The following HIPK2 variants were observed in gnomAD, a reference collection of about 807,000 sequenced individuals.
HIPK2 encodes homeodomain-interacting protein kinase 2.
HIPK2 carries 27 observed loss-of-function variants against 113.7 expected under a neutral mutation model. The observed-to-expected ratio is 0.24, with a 90% confidence interval of 0.17 to 0.33. The LOEUF is 0.33. Ranked by LOEUF, HIPK2 falls within the 10% of genes least tolerant of loss-of-function variation. The probability of loss-of-function intolerance (pLI) is 1.00; values close to 1 mark genes in which losing one functional copy is unlikely to be tolerated. For synonymous variants in HIPK2, 631 were observed against 642.2 expected (o/e 0.98, Z 0.26); for missense variants, 1,257 against 1,588.0 (o/e 0.79, Z 3.54).
intron 2 of HIPK2, among the ~76,000 whole-genome samples, chr7:139,675,133 A>G (rs1315973181): frequency 6.6e-6 from 1 of 152,234 alleles, no homozygotes; most frequent in African/African-American, 2.4e-5. Flanking sequence ...GCTTGCTCTT[A>G]CCGTTATTAA....
intron 6 of HIPK2, among the ~76,000 whole-genome samples, chr7:139,622,868 G>C (rs1476405163): frequency 6.6e-6 from 1 of 152,180 alleles, no homozygotes; most frequent in Non-Finnish European, 1.5e-5. Context: ...ATGAAGTTCT[G>C]AATTGGTTGC....
chr7:139,708,873 G>C (rs1007787291), intron 2 of HIPK2, among the ~76,000 whole-genome samples: 10 of 152,108 alleles, frequency 6.6e-5, no homozygotes, highest in African/African-American at 2.4e-4. Context: ...GTCACACATG[G>C]GCTTAAACTG....
At chr7:139,691,235 G>A (rs1794395837) in intron 2 of HIPK2, among the ~76,000 whole-genome samples, 1 of 152,146 alleles carries the variant, frequency 6.6e-6, no homozygotes, top group African/African-American at 2.4e-5. Context: ...TGTCTCTATA[G>A]TTCCATAGTT....
intron 11 of HIPK2, among the ~76,000 whole-genome samples, chr7:139,597,313 G>T (rs1799257996): frequency 6.6e-6 from 1 of 152,220 alleles, no homozygotes; most frequent in East Asian, 1.9e-4. Context: ...GTCATGCCAG[G>T]ATTCCAGCTG....
intron 1 of HIPK2, among the ~76,000 whole-genome samples, chr7:139,749,718 C>T (rs1366571271): frequency 6.6e-6 from 1 of 152,222 alleles, no homozygotes; most frequent in Non-Finnish European, 1.5e-5. Flanking sequence ...TTTCCTAATA[C>T]TGCCTCTCAA....
intron 1 of HIPK2, among the ~76,000 whole-genome samples, chr7:139,735,655 G>A (rs73158613): frequency 0.15 from 22,210 of 152,172 alleles, 1,644 homozygotes; most frequent in Non-Finnish European, 0.16. Context: ...GAAGGAAGTC[G>A]CAACTGTTGC....
Position 139,763,472 on chromosome 7 carries a change from G to GCCCCC in HIPK2, c.19+14128_19+14132dup, listed in dbSNP as rs547691856. 4.8e-4 allele frequency among the ~76,000 whole-genome samples: 48 copies of GCCCCC among 100,788 alleles called. 3 individuals are homozygous for GCCCCC. Among genetic ancestry groups the GCCCCC allele is most frequent in the African/African-American group, 1.9e-3 (38 of 19,538 alleles). The allele number at this position is 100,788 out of a possible 152,430, so 66.1% of individuals were successfully genotyped here. A position where few individuals can be genotyped will look rare whatever the true frequency, so the allele number is the denominator to read the frequency against. On this transcript the variant is annotated intron_variant, in intron 1 of 14. Transcript: ENST00000406875. Reference sequence around the variant, plus strand: ...TAGGAGTAAGATTTTGCCGGAACACGCCCCCCCCCCCACACGCCCCTCCCA... The same window carrying GCCCCC: ...TAGGAGTAAGATTTTGCCGGAACACGCCCCCCCCCCCCCCCCACACGCCCCTCCCA...
At chr7:139,731,126 A>C (rs1300043759) in intron 1 of HIPK2, among the ~76,000 whole-genome samples, 1 of 152,236 alleles carries the variant, frequency 6.6e-6, no homozygotes, top group African/African-American at 2.4e-5. Flanking sequence ...TACCCTCTGC[A>C]AAATAAGTCA....
At chr7:139,598,861 C>T (rs1397937813) in intron 11 of HIPK2, among the ~76,000 whole-genome samples, 1 of 152,158 alleles carries the variant, frequency 6.6e-6, no homozygotes, top group African/African-American at 2.4e-5. Flanking sequence ...GACTTTGTTG[C>T]CACCCAGTCT....
chr7:139,652,349 C>A (rs1241757977), intron 2 of HIPK2, among the ~76,000 whole-genome samples: 2 of 152,182 alleles, frequency 1.3e-5, no homozygotes, highest in Non-Finnish European at 2.9e-5. Flanking sequence ...CTGCCTCCCC[C>A]TTCCCCTGAG....
At chr7:139,674,643 C>A (rs1186537505) in intron 2 of HIPK2, among the ~76,000 whole-genome samples, 1 of 152,074 alleles carries the variant, frequency 6.6e-6, no homozygotes, top group South Asian at 2.1e-4. Context: ...CTCCTTTCCA[C>A]GAAAGGAAGA....
At chr7:139,739,568 C>T (rs1304911949) in intron 1 of HIPK2, among the ~76,000 whole-genome samples, 4 of 147,034 alleles carry the variant, frequency 2.7e-5, no homozygotes, top group Non-Finnish European at 4.4e-5. Flanking sequence ...GCCTGGGTGA[C>T]AGAGTGAGAC....
Position 139,716,710 on chromosome 7 carries a change from C to T in HIPK2, c.325G>A (p.Gly109Ser), listed in dbSNP as rs780236493. The T allele has an allele frequency of 3.1e-5, 50 of 1,613,856 alleles. No individual in the cohort carries two copies. In the South Asian group the frequency reaches 3.7e-4, roughly 12 times the overall value. The part of the protein sequence containing the change: ...SSTSVTGQVL[G>S]GPHNLMRRST... ...CGACGCATTAGGTTGTGTGGTCCGC[C>T]GAGGACTTGCCCGGTGACAGAAGTG... Residue 109 changes from glycine (G) to serine (S), a missense_variant, in exon 2 of 15, where the codon GGC becomes AGC. Physicochemically the swap from Gly to Ser is moderately conservative, Grantham distance 56. Around this residue, in one of 5 missense-constraint regions of HIPK2, gnomAD observed 209 missense variants for 237.8 expected, o/e 0.88. Coordinates refer to ENST00000406875, the MANE Select transcript of HIPK2 (RefSeq NM_022740.5). The surrounding 1 kb of genome is among the most constrained non-coding windows in gnomAD (Gnocchi z 9.3).
At chr7:139,732,738 CAT>C (rs72441650) in intron 1 of HIPK2, among the ~76,000 whole-genome samples, 21,421 of 147,548 alleles carry the variant, frequency 0.15, 1,574 homozygotes, top group Non-Finnish European at 0.16. Context: ...AGTAAATGAA[CAT>C]ATATATATAT....
chr7:139,642,650 C>T (rs1801067245), intron 2 of HIPK2, among the ~76,000 whole-genome samples: 2 of 152,168 alleles, frequency 1.3e-5, no homozygotes, highest in Non-Finnish European at 1.5e-5. Context: ...TAAAAAGACA[C>T]ACAGCTTCCT....
At chr7:139,709,367 C>T (rs1014315901) in intron 2 of HIPK2, among the ~76,000 whole-genome samples, 7 of 152,212 alleles carry the variant, frequency 4.6e-5, no homozygotes, top group African/African-American at 1.7e-4. Flanking sequence ...TCTAGTCACT[C>T]ACTTTCTATA....
At chr7:139,711,837 A>C (rs1460451395) in intron 2 of HIPK2, among the ~76,000 whole-genome samples, 1 of 152,272 alleles carries the variant, frequency 6.6e-6, no homozygotes, top group Non-Finnish European at 1.5e-5. Context: ...AGGTGAAGTA[A>C]TACAAGCAAG....
At chr7:139,580,256 A>G (rs1249816858) in intron 13 of HIPK2, among the ~76,000 whole-genome samples, 3 of 152,114 alleles carry the variant, frequency 2.0e-5, no homozygotes, top group Non-Finnish European at 4.4e-5. Context: ...AGGGAGAAAC[A>G]CTGAGCTCGA....
At chr7:139,581,800 C>T (rs1798677446) in intron 13 of HIPK2, among the ~76,000 whole-genome samples, 1 of 152,186 alleles carries the variant, frequency 6.6e-6, no homozygotes, top group Admixed American at 6.5e-5. Context: ...AGGCACCAGA[C>T]GAGGAATGCC....
Sources: allele counts gnomAD v4.1 joint callset (sites outside exome capture counted in the v4.1 genomes callset), GRCh38; gene constraint gnomAD v4.1.1; regional missense constraint gnomAD v4.1.1; non-coding constraint Gnocchi (gnomAD v3.1); transcripts MANE v1.5; gene names NCBI Gene and HGNC (gene_info 2026-07-23, HGNC 2026-07-21).